TCF4: variants seen among roughly 807,000 people sequenced by gnomAD.
TCF4 encodes SL3-3 enhancer factor 2.
A neutral mutation model predicts 82.1 loss-of-function variants in TCF4; 3 were observed. The ratio of observed to expected loss-of-function variants is 0.04; its 90% CI spans 0.02 to 0.09. The LOEUF (loss-of-function observed/expected upper bound fraction) is 0.09, where lower values mean the gene tolerates loss of function less well. Ranked by LOEUF, TCF4 falls within the 10% of genes least tolerant of loss-of-function variation. The probability of loss-of-function intolerance (pLI) is 1.00; values close to 1 mark genes in which losing one functional copy is unlikely to be tolerated. For missense variants in TCF4, 518 were observed against 852.7 expected, an observed-to-expected ratio of 0.61 and a Z score of 4.89; for synonymous variants, 276 against 309.6, an observed-to-expected ratio of 0.89 and a Z score of 1.14.
chr18:55,476,361 A>C (rs529980164), intron 3 of TCF4, among the ~76,000 whole-genome samples: 1 of 152,252 alleles, frequency 6.6e-6, no homozygotes, highest in Non-Finnish European at 1.5e-5. Context: ...TCAATACAGC[A>C]TAAGCATACC....
intron 15 of TCF4, among the ~76,000 whole-genome samples, chr18:55,236,681 C>A (rs1555726084): frequency 1.3e-5 from 2 of 152,168 alleles, no homozygotes; most frequent in Non-Finnish European, 2.9e-5. Flanking sequence ...CGGATTCAAT[C>A]AATGATTATC....
At chr18:55,350,436 T>C (rs757093875) in intron 7 of TCF4, 28 bp from the exon 8 acceptor site, 6 of 1,612,756 alleles carry the variant, frequency 3.7e-6, no homozygotes, top group Non-Finnish European at 3.4e-6. Flanking sequence ...TGCTTTCAGC[T>C]CCCAAATGCC....
At chr18:55,312,873 T>C (rs2072995716) in intron 8 of TCF4, among the ~76,000 whole-genome samples, 1 of 152,158 alleles carries the variant, frequency 6.6e-6, no homozygotes, top group Non-Finnish European at 1.5e-5. Flanking sequence ...CAGGTCTTTT[T>C]CTCAGGTGTT....
chr18:55,262,476 A>G (rs1247545416), intron 11 of TCF4, among the ~76,000 whole-genome samples: 1 of 152,226 alleles, frequency 6.6e-6, no homozygotes, highest in African/African-American at 2.4e-5. Flanking sequence ...AATAAAACCT[A>G]TTAAAGTTCT....
chr18:55,372,184 A>G (rs2089430706), intron 6 of TCF4, among the ~76,000 whole-genome samples: 1 of 152,146 alleles, frequency 6.6e-6, no homozygotes. Context: ...TAGAAGAGAT[A>G]TACATGCCAA....
chr18:55,627,751 T>C (rs746738707), intron 2 of TCF4, among the ~76,000 whole-genome samples: 35 of 123,504 alleles, frequency 2.8e-4, no homozygotes, highest in Admixed American at 5.0e-4. Context: ...GGTGACAGAG[T>C]GAGACTCCAT....
rs573173477 is a variant in TCF4 at position 55,335,808 on chromosome 18, T to G, written c.549+14551A>C. Among the ~76,000 whole-genome samples, 86 of 152,152 alleles carry G rather than the reference T, an allele frequency of 5.7e-4. No individual in the cohort carries two copies. The South Asian group carries it at 7.9e-3, about 14-fold the overall frequency. ...ACTTAAACTAAAAAGATCAAAAGCC[T>G]AAAAAAAGGCTTGGAGCAGAACTAC... is the stretch of plus-strand genomic sequence containing the variant. On this transcript the variant is annotated intron_variant, in intron 8 of 19. Transcript: ENST00000354452.
intron 8 of TCF4, among the ~76,000 whole-genome samples, chr18:55,283,374 A>G (rs2063012164): frequency 6.6e-6 from 1 of 152,196 alleles, no homozygotes; most frequent in East Asian, 1.9e-4. Flanking sequence ...AAATGAAACA[A>G]AGGTATGCCT....
intron 3 of TCF4, among the ~76,000 whole-genome samples, chr18:55,502,776 A>G (rs889984403): frequency 6.6e-6 from 1 of 152,224 alleles, no homozygotes; most frequent in Non-Finnish European, 1.5e-5. Flanking sequence ...AGTTACATAC[A>G]AGTTAAGGAA....
At chr18:55,545,393 T>C (rs1290800615) in intron 3 of TCF4, among the ~76,000 whole-genome samples, 1 of 152,208 alleles carries the variant, frequency 6.6e-6, no homozygotes, top group Non-Finnish European at 1.5e-5. Context: ...AGCACCAAGT[T>C]ATCCCATTCA....
chr18:55,401,613 G>T, intron 6 of TCF4: 1 of 988,974 alleles, frequency 1.0e-6, no homozygotes, highest in Non-Finnish European at 1.2e-6. Flanking sequence ...ATTAACTTCA[G>T]TTTCACCCGA....
chr18:55,267,845 T>C (rs980283392), intron 11 of TCF4: 4 of 152,140 alleles, frequency 2.6e-5, no homozygotes, highest in African/African-American at 9.7e-5. Context: ...AAATTATAGC[T>C]CCTTTATTAT....
At chr18:55,304,233 A>C (rs931369933) in intron 8 of TCF4, among the ~76,000 whole-genome samples, 5 of 152,190 alleles carry the variant, frequency 3.3e-5, no homozygotes, top group African/African-American at 1.2e-4. Flanking sequence ...TCAGTGAAGA[A>C]GACGGTATGA....
intron 3 of TCF4, among the ~76,000 whole-genome samples, chr18:55,479,675 G>A (rs1372527431): frequency 6.6e-6 from 1 of 152,134 alleles, no homozygotes; most frequent in African/African-American, 2.4e-5. Flanking sequence ...GGTCCTAGGG[G>A]ATAGCAGACC....
chr18:55,548,903 G>A (rs1042187654), intron 3 of TCF4, among the ~76,000 whole-genome samples: 5 of 152,248 alleles, frequency 3.3e-5, no homozygotes. Context: ...GGTGAGTCAT[G>A]AGTGAATGGT....
At chr18:55,362,625 G>A (rs2085767731) in intron 6 of TCF4, among the ~76,000 whole-genome samples, 1 of 152,138 alleles carries the variant, frequency 6.6e-6, no homozygotes, top group African/African-American at 2.4e-5. Flanking sequence ...ATTATAACCA[G>A]CCTTAAATGC....
At chr18:55,371,588 A>T (rs2089200499) in intron 6 of TCF4, among the ~76,000 whole-genome samples, 1 of 152,066 alleles carries the variant, frequency 6.6e-6, no homozygotes, top group Admixed American at 6.6e-5. Context: ...GGGACCAGGA[A>T]CTTTACTAGA....
At chr18:55,258,419 G>A (rs186446953) in intron 13 of TCF4, among the ~76,000 whole-genome samples, 1 of 152,178 alleles carries the variant, frequency 6.6e-6, no homozygotes, top group East Asian at 1.9e-4. Context: ...CAGGTCGAGG[G>A]AATTTGTGAT....
chr18:55,369,913 T>TTG (rs3838896), intron 6 of TCF4, among the ~76,000 whole-genome samples: 9,869 of 150,778 alleles, frequency 0.065, 941 homozygotes, highest in African/African-American at 0.21. Context: ...AGAGTTTTAT[T>TTG]TGTGTGTGTG....
Sources: gnomAD v4.1 joint callset for allele counts (sites outside exome capture counted in the v4.1 genomes callset) on GRCh38, gnomAD v4.1.1 for gene constraint, MANE v1.5 for transcripts, NCBI Gene and HGNC (gene_info 2026-07-23, HGNC 2026-07-21) for gene names.